Variants in SRBD1 observed in about 807,000 individuals in gnomAD.
The protein encoded by SRBD1 is S1 RNA binding domain 1.
In SRBD1, 88 loss-of-function variants were observed where a neutral mutation model predicts 115.3. The ratio of observed to expected loss-of-function variants is 0.76; its 90% CI spans 0.64 to 0.91. The LOEUF is 0.91. Among genes scored for constraint, SRBD1 ranks in the 40% least tolerant of loss-of-function variants. The pLI is 0.00. For missense variants in SRBD1, 1,385 were observed against 1,177.4 expected, an observed-to-expected ratio of 1.18 and a Z score of -2.58; for synonymous variants, 509 against 407.7, an observed-to-expected ratio of 1.25 and a Z score of -2.99.
chr2:45,576,026 C>T (rs1351666125), intron 7 of SRBD1, among the ~76,000 whole-genome samples: 2 of 152,188 alleles, frequency 1.3e-5, no homozygotes, highest in African/African-American at 4.8e-5. Context: ...GGATTAATTA[C>T]AATAAAAGTT....
chr2:45,571,085 G>T (rs72882461), intron 9 of SRBD1, among the ~76,000 whole-genome samples: 85 of 152,196 alleles, frequency 5.6e-4, no homozygotes, highest in African/African-American at 2.0e-3. Context: ...GCTCTGAAAA[G>T]ATCTGAGGGA....
intron 16 of SRBD1, among the ~76,000 whole-genome samples, chr2:45,446,914 A>G (rs1256436709): frequency 6.6e-6 from 1 of 152,170 alleles, no homozygotes; most frequent in Non-Finnish European, 1.5e-5. Context: ...TTCAAGCAGG[A>G]GGGCAAAATA....
At chr2:45,455,642 T>C (rs988657223) in intron 16 of SRBD1, among the ~76,000 whole-genome samples, 1 of 151,838 alleles carries the variant, frequency 6.6e-6, no homozygotes. Flanking sequence ...CCCCTTCTGA[T>C]AGGGATAACA....
intron 16 of SRBD1, among the ~76,000 whole-genome samples, chr2:45,435,972 C>G (rs992092216): frequency 2.0e-5 from 3 of 152,018 alleles, no homozygotes; most frequent in South Asian, 2.1e-4. Flanking sequence ...AATGACAGAT[C>G]AGTATTTCTC....
chr2:45,407,792 G>A (rs913716476), intron 19 of SRBD1, among the ~76,000 whole-genome samples: 1 of 151,664 alleles, frequency 6.6e-6, no homozygotes, highest in African/African-American at 2.4e-5. Context: ...AGATATAAAA[G>A]GTAAACAAGT....
intron 14 of SRBD1, among the ~76,000 whole-genome samples, chr2:45,534,552 A>C (rs1425874688): frequency 2.0e-5 from 3 of 151,952 alleles, no homozygotes; most frequent in Non-Finnish European, 2.9e-5. Flanking sequence ...TATTAGTTTT[A>C]ATATCCAGAA....
chr2:45,420,826 G>A (rs774107117), intron 16 of SRBD1, among the ~76,000 whole-genome samples: 3 of 152,170 alleles, frequency 2.0e-5, no homozygotes, highest in Non-Finnish European at 4.4e-5. Flanking sequence ...TAGAAGCTTT[G>A]ATGATAGTAG....
At chr2:45,418,776 A>G (rs934263033) in intron 17 of SRBD1, among the ~76,000 whole-genome samples, 2 of 152,196 alleles carry the variant, frequency 1.3e-5, no homozygotes, top group African/African-American at 4.8e-5. Context: ...CAGCTGTCAT[A>G]AAGATGCTGG....
chr2:45,414,997 T>G (rs529408983), intron 18 of SRBD1, among the ~76,000 whole-genome samples: 1 of 111,408 alleles, frequency 9.0e-6, no homozygotes, highest in Non-Finnish European at 1.7e-5. Context: ...TACACACATA[T>G]AGTGTGTATA....
At chr2:45,566,962 G>C (rs1039653014) in intron 9 of SRBD1, among the ~76,000 whole-genome samples, 2 of 151,934 alleles carry the variant, frequency 1.3e-5, no homozygotes, top group African/African-American at 4.8e-5. Context: ...CCCTTTACAG[G>C]ACACAAACTG....
intron 4 of SRBD1, among the ~76,000 whole-genome samples, chr2:45,595,978 C>G (rs1047867904): frequency 2.6e-5 from 4 of 151,530 alleles, no homozygotes; most frequent in African/African-American, 9.7e-5. Context: ...ATTCAGCTGT[C>G]AACATTCACT....
At chr2:45,553,546 T>C (rs1672370271) in intron 11 of SRBD1, 77 bp downstream of exon 11, 2 of 908,344 alleles carry the variant, frequency 2.2e-6, no homozygotes, top group Non-Finnish European at 3.1e-6. Context: ...TCAACAAACA[T>C]TAGCTACACA....
intron 16 of SRBD1, among the ~76,000 whole-genome samples, chr2:45,459,659 T>C (rs952135439): frequency 1.1e-4 from 16 of 152,202 alleles, no homozygotes; most frequent in Non-Finnish European, 1.6e-4. Context: ...CTTTCACATA[T>C]GCACCTTGAG....
intron 16 of SRBD1, among the ~76,000 whole-genome samples, chr2:45,436,025 A>G (rs1668487422): frequency 6.6e-6 from 1 of 152,236 alleles, no homozygotes; most frequent in Non-Finnish European, 1.5e-5. Context: ...TAGGAAATCA[A>G]GTCTAACAAT....
At chr2:45,404,039 A>G (rs1450389211) in intron 19 of SRBD1, among the ~76,000 whole-genome samples, 2 of 152,138 alleles carry the variant, frequency 1.3e-5, no homozygotes, top group African/African-American at 4.8e-5. Context: ...GATATAACTT[A>G]TACTCACAGA....
At chr2:45,520,106 C>T (rs1313306214) in intron 14 of SRBD1, among the ~76,000 whole-genome samples, 3 of 152,124 alleles carry the variant, frequency 2.0e-5, no homozygotes, top group African/African-American at 7.2e-5. Flanking sequence ...ACATCCCAGG[C>T]AATTATAATA....
intron 14 of SRBD1, among the ~76,000 whole-genome samples, chr2:45,513,599 G>T (rs1572720452): frequency 6.6e-6 from 1 of 152,044 alleles, no homozygotes; most frequent in East Asian, 1.9e-4. Context: ...GACCTATAAA[G>T]AACAAACTCT....
At position 45,569,797 on chromosome 2, in the gene SRBD1, CAT is replaced by C. The variant is rs540689329; in HGVS notation, c.1305+3408_1305+3409del. Among the ~76,000 whole-genome samples the C allele has an allele frequency of 3.9e-5, 6 of 152,222 alleles. No homozygotes were observed. In the South Asian group the frequency reaches 1.0e-3, roughly 26 times the overall value. On this transcript the variant is annotated intron_variant, in intron 9 of 20. Coordinates refer to ENST00000263736, the MANE Select transcript of SRBD1 (RefSeq NM_018079.5). ...CTGGCATCAGATTTCTCAAATATAACATACAAAGGAAGCCAACAGCAGAGCAA... is the reference window on the plus strand; with the variant it reads ...CTGGCATCAGATTTCTCAAATATAACACAAAGGAAGCCAACAGCAGAGCAA...
chr2:45,538,894 T>C (rs1671846523), intron 14 of SRBD1, among the ~76,000 whole-genome samples: 2 of 152,118 alleles, frequency 1.3e-5, no homozygotes, highest in African/African-American at 4.8e-5. Flanking sequence ...TCTCAAGATC[T>C]CCCTCTTAAG....
Sources: allele counts gnomAD v4.1 joint callset (sites outside exome capture counted in the v4.1 genomes callset), GRCh38; gene constraint gnomAD v4.1.1; transcripts MANE v1.5; gene names NCBI Gene and HGNC (gene_info 2026-07-23, HGNC 2026-07-21).